POLE4: variants seen among roughly 807,000 people sequenced by gnomAD.
POLE4 encodes DNA polymerase epsilon 4, accessory subunit, also known as DNA polymerase epsilon subunit 4.
In POLE4, 15 loss-of-function variants were observed where a neutral mutation model predicts 15.6. The observed-to-expected ratio is 0.96, with a 90% CI of 0.64 to 1.48. The LOEUF (loss-of-function observed/expected upper bound fraction) is 1.48, where lower values mean the gene tolerates loss of function less well. Ranked by LOEUF, POLE4 falls within the 40% of genes most tolerant of loss-of-function variation. The pLI is 0.00. For synonymous variants in POLE4, 83 were observed against 63.2 expected, an observed-to-expected ratio of 1.31 and a Z score of -1.49; for missense variants, 205 against 151.9, an observed-to-expected ratio of 1.35 and a Z score of -1.84.
At chr2:74,959,018 G>A (rs1192429671) in intron 1 of POLE4, 126 bp downstream of exon 1, 1 of 847,982 alleles carries the variant, frequency 1.2e-6, no homozygotes, top group Non-Finnish European at 1.8e-6. Context: ...CGTGGACCCG[G>A]AAGGCGGAGG....
chr2:74,959,180 G>T, intron 1 of POLE4, 161 bp from the exon 2 acceptor site: 1 of 622,204 alleles, frequency 1.6e-6, no homozygotes. Context: ...GAAGAGGGTA[G>T]CGGAATGGAT....
intron 3 of POLE4, 43 bp downstream of exon 3, chr2:74,960,189 G>A (rs1339944782): frequency 1.3e-6 from 2 of 1,515,898 alleles, no homozygotes; most frequent in Admixed American, 3.4e-5. Flanking sequence ...CCTGTCTTTT[G>A]CATGTTGATG....
At position 74,969,637 on chromosome 2, in the gene POLE4, C is replaced by A; in HGVS notation, c.*215C>A. The A allele has an allele frequency of 1.6e-6, 1 of 606,210 alleles. No individual in the cohort carries two copies. The highest frequency in any genetic ancestry group is 3.0e-6 in the Non-Finnish European group (1 of 336,642). 37.6% of individuals were successfully genotyped at this position (606,210 alleles called of 1,614,324 possible). ...CTGTCTTCCATATCAAGCCTGGATGCAGCTGCTGCTGCTTAGAGCAGAGAT... is the reference window on the plus strand; with the variant it reads ...CTGTCTTCCATATCAAGCCTGGATGAAGCTGCTGCTGCTTAGAGCAGAGAT... On this transcript the variant is annotated 3_prime_UTR_variant, in exon 4 of 4. Coordinates refer to ENST00000483063, the MANE Select transcript of POLE4 (RefSeq NM_019896.4).
intron 3 of POLE4, among the ~76,000 whole-genome samples, chr2:74,964,002 A>G (rs1671262887): frequency 6.9e-6 from 1 of 145,834 alleles, no homozygotes; most frequent in African/African-American, 2.4e-5. Context: ...TATATGCTAA[A>G]ATCTTTATAG....
rs1262537084 is a variant in POLE4 at position 74,959,380 on chromosome 2, T to C, written c.253T>C (p.Cys85Arg). The change falls in exon 2 of 4, where the codon TGC becomes CGC. Residue 85 changes from cysteine to arginine, a missense_variant. Coordinates refer to ENST00000483063, the MANE Select transcript of POLE4 (RefSeq NM_019896.4). ...GACCATTGCAAAAGATGCCTACTGTTGCGCTCAGCAGGGAAAAAGGAAAAC... is the reference window on the plus strand; with the variant it reads ...GACCATTGCAAAAGATGCCTACTGTCGCGCTCAGCAGGGAAAAAGGAAAAC... ...VETIAKDAYC[C>R]AQQGKRKTLQ... The C allele has an allele frequency of 6.2e-7, 1 of 1,613,966 alleles. No individual in the cohort carries two copies. Among genetic ancestry groups the C allele is most frequent in the Non-Finnish European group, 8.5e-7 (1 of 1,179,838 alleles).
chr2:74,959,521 T>G, intron 2 of POLE4, 96 bp downstream of exon 2: 2 of 739,722 alleles, frequency 2.7e-6, no homozygotes, highest in Non-Finnish European at 4.6e-6. Context: ...ATCTGAGAGG[T>G]GCCACAGCGT....
Position 74,960,462 on chromosome 2 carries a change from C to G in POLE4, c.340+316C>G, listed in dbSNP as rs189109599. 3.6e-3 allele frequency: 1,678 copies of G among 469,092 alleles called. 6 individuals are homozygous for G. The highest frequency in any genetic ancestry group is 5.4e-3 in the Non-Finnish European group (1,351 of 249,042). 29.1% of individuals were successfully genotyped at this position (469,092 alleles called of 1,614,324 possible). A position where few individuals can be genotyped will look rare whatever the true frequency, so the allele number is the denominator to read the frequency against. ...TCCCTAAATGTCAGGCTTGCCCCCC[C>G]TCATCATGTTACAGATCAGAAACAA... On this transcript the variant is annotated intron_variant, in intron 3 of 3. Transcript: ENST00000483063.
At chr2:74,965,577 G>T (rs1205395527) in intron 3 of POLE4, among the ~76,000 whole-genome samples, 1 of 152,094 alleles carries the variant, frequency 6.6e-6, no homozygotes, top group Non-Finnish European at 1.5e-5. Context: ...TATTTTACCT[G>T]TTTCAAAGAG....
intron 3 of POLE4, 27 bp downstream of exon 3, chr2:74,960,173 T>C (rs1014417532): frequency 6.3e-7 from 1 of 1,586,732 alleles, no homozygotes; most frequent in Middle Eastern, 1.7e-4. Flanking sequence ...TGGGCAATCA[T>C]TTCCGCCTGT....
At chr2:74,969,334 TAA>T in intron 3 of POLE4, 73 bp from the exon 4 acceptor site, 2 of 1,387,456 alleles carry the variant, frequency 1.4e-6, no homozygotes, top group East Asian at 2.3e-5. Context: ...TCTTCTGCAT[TAA>T]GTTTGCCCAG....
At chr2:74,959,008 C>T in intron 1 of POLE4, 116 bp downstream of exon 1, 3 of 945,278 alleles carry the variant, frequency 3.2e-6, no homozygotes, top group Admixed American at 2.8e-5. Flanking sequence ...GAGATGTGGG[C>T]GTGGACCCGG....
Position 74,969,491 on chromosome 2 carries a change from G to C in POLE4, c.*69G>C. The C allele has an allele frequency of 6.9e-7, 1 of 1,439,244 alleles. No homozygotes were observed. The highest frequency in any genetic ancestry group is 9.8e-7 in the Non-Finnish European group (1 of 1,020,138). 89.2% of individuals were successfully genotyped at this position (1,439,244 alleles called of 1,614,324 possible). On this transcript the variant is annotated 3_prime_UTR_variant, in exon 4 of 4. Coordinates refer to ENST00000483063, the MANE Select transcript of POLE4 (RefSeq NM_019896.4). ...AGTTCACCCCTCTGCACAGGCCTCA[G>C]CTTTGAAGAACGGAGTCTTTGCACT...
chr2:74,960,460 C>G (rs1671200674), intron 3 of POLE4: 2 of 468,688 alleles, frequency 4.3e-6, no homozygotes, highest in East Asian at 4.6e-5. Context: ...GGCTTGCCCC[C>G]CCTCATCATG....
intron 3 of POLE4, 144 bp from the exon 4 acceptor site, chr2:74,969,265 A>G: frequency 1.3e-6 from 1 of 768,592 alleles, no homozygotes; most frequent in South Asian, 1.4e-5. Context: ...GATATTTTGG[A>G]TGGATCATCC....
chr2:74,965,926 G>C (rs1034004558), intron 3 of POLE4, among the ~76,000 whole-genome samples: 2 of 152,116 alleles, frequency 1.3e-5, no homozygotes. Context: ...CCTAAATTCA[G>C]ACAGTCTGTG....
At chr2:74,959,988 C>T (rs531340864) in intron 2 of POLE4, 117 bp from the exon 3 acceptor site, 2 of 779,356 alleles carry the variant, frequency 2.6e-6, no homozygotes, top group Admixed American at 4.1e-5. Flanking sequence ...AGGGACGCAT[C>T]TTATAAATGC....
intron 2 of POLE4, 169 bp downstream of exon 2, chr2:74,959,594 G>A: frequency 1.8e-6 from 1 of 570,956 alleles, no homozygotes; most frequent in Non-Finnish European, 3.2e-6. Flanking sequence ...GAGGCTGTCT[G>A]CTTGGGGTGG....
chr2:74,962,531 G>A (rs1671236282), intron 3 of POLE4, among the ~76,000 whole-genome samples: 1 of 151,966 alleles, frequency 6.6e-6, no homozygotes, highest in African/African-American at 2.4e-5. Context: ...GCAAACAACT[G>A]TTACTAGTTT....
chr2:74,968,432 A>T (rs552950455), intron 3 of POLE4, among the ~76,000 whole-genome samples: 1 of 151,568 alleles, frequency 6.6e-6, no homozygotes, highest in African/African-American at 2.4e-5. Context: ...GTGTGTGTGT[A>T]TGGGATGAGG....
Sources: gnomAD v4.1 joint callset for allele counts (sites outside exome capture counted in the v4.1 genomes callset) on GRCh38, gnomAD v4.1.1 for gene constraint, MANE v1.5 for transcripts, NCBI Gene and HGNC (gene_info 2026-07-23, HGNC 2026-07-21) for gene names.